Variants in LUC7L2 observed in about 807,000 individuals in gnomAD.
The protein encoded by LUC7L2 is LUC7 like 2, pre-mRNA splicing factor.
A neutral mutation model predicts 52.8 loss-of-function variants in LUC7L2; 25 were observed. The observed-to-expected ratio is 0.47, with a 90% CI of 0.34 to 0.66. The LOEUF is 0.66. LUC7L2 is among the 30% of genes least tolerant of loss of function. LUC7L2 has a pLI of 0.01. For synonymous variants in LUC7L2, 144 were observed against 160.9 expected (o/e 0.89, Z 0.80); for missense variants, 328 against 497.8 (o/e 0.66, Z 3.25).
At chr7:139,392,188 C>T in intron 2 of LUC7L2, 1 of 164,114 alleles carries the variant, frequency 6.1e-6, no homozygotes. Flanking sequence ...CTTTATTCTC[C>T]ATTTATCTTT....
chr7:139,343,682 C>G (rs1799113519), intron 1 of LUC7L2, among the ~76,000 whole-genome samples: 1 of 152,112 alleles, frequency 6.6e-6, no homozygotes, highest in Non-Finnish European at 1.5e-5. Context: ...CACCTGTAAT[C>G]CCAGCACTCT....
intron 8 of LUC7L2, among the ~76,000 whole-genome samples, chr7:139,414,106 G>A (rs1795485911): frequency 6.6e-6 from 1 of 152,118 alleles, no homozygotes; most frequent in Admixed American, 6.5e-5. Flanking sequence ...CCTTGTAACT[G>A]GGCTCCTTAG....
intron 1 of LUC7L2, among the ~76,000 whole-genome samples, chr7:139,368,029 C>T (rs944155705): frequency 1.6e-4 from 24 of 152,290 alleles, no homozygotes; most frequent in African/African-American, 4.6e-4. Flanking sequence ...TCACGTGAGT[C>T]TGGACACCAT....
At chr7:139,391,784 A>G (rs937730114) in intron 2 of LUC7L2, among the ~76,000 whole-genome samples, 1 of 151,994 alleles carries the variant, frequency 6.6e-6, no homozygotes, top group Non-Finnish European at 1.5e-5. Flanking sequence ...ACGGGGTTTC[A>G]CCATGTTTGC....
chr7:139,363,976 C>CTTTTTTTTTTTTTTTTTTTTTTTTTTTT (rs1169793101), intron 1 of LUC7L2, among the ~76,000 whole-genome samples: 2 of 96,080 alleles, frequency 2.1e-5, no homozygotes, highest in African/African-American at 5.8e-5. Context: ...AGATTACATC[C>CTTTTTTTTTTTTTTTTTTTTTTTTTTTT]TTTTTTTTTT....
At chr7:139,343,496 A>C (rs1230652857) in intron 1 of LUC7L2, among the ~76,000 whole-genome samples, 1 of 152,152 alleles carries the variant, frequency 6.6e-6, no homozygotes, top group African/African-American at 2.4e-5. Flanking sequence ...GGATCACTTG[A>C]GCCCAAGAAG....
intron 1 of LUC7L2, chr7:139,371,351 A>C: frequency 2.6e-6 from 2 of 781,902 alleles, no homozygotes; most frequent in South Asian, 2.9e-5. Context: ...GGTTCTTTTG[A>C]AATTACAATA....
chr7:139,365,310 A>G (rs562867557), intron 1 of LUC7L2, among the ~76,000 whole-genome samples: 28 of 152,332 alleles, frequency 1.8e-4, no homozygotes, highest in African/African-American at 6.7e-4. Flanking sequence ...TGCTTCTGAG[A>G]CATTCTTTTA....
chr7:139,423,139 A>G lies in LUC7L2; in HGVS notation c.*799A>G. 2.5e-6 allele frequency: 1 copy of G among 399,070 alleles called. No individual in the cohort carries two copies. Among genetic ancestry groups the G allele is most frequent in the Non-Finnish European group, 4.4e-6 (1 of 226,058 alleles). The allele number at this position is 399,070 out of a possible 1,614,324, so 24.7% of individuals were successfully genotyped here. On this transcript the variant is annotated 3_prime_UTR_variant, in exon 10 of 10. Coordinates refer to ENST00000354926, the MANE Select transcript of LUC7L2 (RefSeq NM_016019.5). The stretch of plus-strand genomic sequence containing the variant: ...GTAAAAAAATAATAATAATAAAATG[A>G]AAGAAACAATCACCACCACCATTAT...
In LUC7L2 at chr7:139,417,573, G is replaced by C. The variant is rs370412964; in HGVS notation, c.845G>C (p.Arg282Pro). Residue 282 changes from arginine to proline, a missense_variant, in exon 9 of 10, where the codon CGC (arginine) becomes CCC (proline). This residue lies in a region of LUC7L2 where 195 missense variants were observed against 223.3 expected (regional missense o/e 0.87). Transcript: ENST00000354926. The part of the protein sequence containing the change: ...RSREHRRHRS[R>P]SMSRERKRRT... ...AGAGAGCATCGCAGACATCGATCTC[G>C]CTCCATGTCACGTGAACGCAAGAGG... 4 of 1,614,128 alleles carry C rather than the reference G, an allele frequency of 2.5e-6. No individual in the cohort carries two copies. Among genetic ancestry groups the C allele is most frequent in the Admixed American group, 1.7e-5 (1 of 60,010 alleles).
chr7:139,341,698 C>T (rs1798980135), intron 1 of LUC7L2, among the ~76,000 whole-genome samples: 3 of 151,716 alleles, frequency 2.0e-5, no homozygotes, highest in African/African-American at 2.4e-5. Context: ...GGCATAAACT[C>T]GGGGACCAAA....
intron 1 of LUC7L2, among the ~76,000 whole-genome samples, chr7:139,342,426 C>T (rs1240031001): frequency 6.6e-6 from 1 of 152,076 alleles, no homozygotes; most frequent in Non-Finnish European, 1.5e-5. Context: ...AGAAAAATTG[C>T]CAGTTGAGAG....
chr7:139,397,561 T>A (rs1249135965), intron 2 of LUC7L2, among the ~76,000 whole-genome samples: 1 of 152,156 alleles, frequency 6.6e-6, no homozygotes, highest in Non-Finnish European at 1.5e-5. Context: ...TTACCAACCC[T>A]CCAGAGATTT....
chr7:139,407,825 A>AT (rs367888486), intron 6 of LUC7L2, among the ~76,000 whole-genome samples: 1 of 146,348 alleles, frequency 6.8e-6, no homozygotes, highest in Admixed American at 6.6e-5. Flanking sequence ...AAAAATTTAT[A>AT]TTTTTTTAAA....
At position 139,401,626 on chromosome 7, in the gene LUC7L2, T is replaced by C. The variant is rs187901685; in HGVS notation, c.256-511T>C. Reference sequence around the variant, plus strand: ...CACTACCATGCCTGGCTAATTTTTGTATTTTTAGTAGAGACGAGGTTTCAC... The same window carrying C: ...CACTACCATGCCTGGCTAATTTTTGCATTTTTAGTAGAGACGAGGTTTCAC... On this transcript the variant is annotated intron_variant, in intron 3 of 9. Coordinates refer to ENST00000354926, the MANE Select transcript of LUC7L2 (RefSeq NM_016019.5). Among the ~76,000 whole-genome samples, 79 of 152,156 alleles carry C rather than the reference T, an allele frequency of 5.2e-4. No homozygotes were observed. The East Asian group carries it at 0.015, about 28-fold the overall frequency.
chr7:139,355,877 G>A (rs911336399), upstream of LUC7L2, among the ~76,000 whole-genome samples: 4 of 152,160 alleles, frequency 2.6e-5, no homozygotes, highest in Admixed American at 6.5e-5. Context: ...CTCAATGAAC[G>A]AATGAATGAA....
At chr7:139,374,714 T>TGGGG in intron 1 of LUC7L2, 1 of 1,312,862 alleles carries the variant, frequency 7.6e-7, no homozygotes, top group Non-Finnish European at 9.7e-7. Flanking sequence ...TTATATACCC[T>TGGGG]GGTTGCAAAT....
chr7:139,359,538 CG>C, upstream of LUC7L2: 1 of 288,950 alleles, frequency 3.5e-6, no homozygotes. Flanking sequence ...GACCGCAGTC[CG>C]GTCGACGATG....
At chr7:139,412,464 T>C in intron 7 of LUC7L2, 87 bp from the exon 8 acceptor site, 1 of 1,481,888 alleles carries the variant, frequency 6.7e-7, no homozygotes, top group South Asian at 1.3e-5. Flanking sequence ...AATGTAAACA[T>C]TAGAAATCAG....
Sources: gnomAD v4.1 joint callset for allele counts (sites outside exome capture counted in the v4.1 genomes callset) on GRCh38, gnomAD v4.1.1 for gene constraint, gnomAD v4.1.1 regional missense constraint, MANE v1.5 for transcripts, NCBI Gene and HGNC (gene_info 2026-07-23, HGNC 2026-07-21) for gene names.